Variants in TLK2 observed in about 807,000 individuals in gnomAD.
TLK2 encodes the protein tousled like kinase 2.
TLK2 carries 6 observed loss-of-function variants against 117.3 expected under a neutral mutation model. The observed-to-expected ratio is 0.05, with a 90% confidence interval of 0.03 to 0.10. The LOEUF is 0.10. Ranked by LOEUF, TLK2 falls within the 10% of genes least tolerant of loss-of-function variation. The pLI is 1.00. For synonymous variants in TLK2, 257 were observed against 316.7 expected (o/e 0.81, Z 2.00); for missense variants, 299 against 901.2 (o/e 0.33, Z 8.56).
chr17:62,549,267 C>T (rs1369049118), intron 7 of TLK2, among the ~76,000 whole-genome samples: 5 of 146,080 alleles, frequency 3.4e-5, no homozygotes, highest in Admixed American at 2.7e-4. Flanking sequence ...GGAGTGGTGG[C>T]GGGTGCCTGT....
intron 2 of TLK2, among the ~76,000 whole-genome samples, chr17:62,490,779 T>G: frequency 6.6e-6 from 1 of 152,192 alleles, no homozygotes; most frequent in Non-Finnish European, 1.5e-5. Context: ...TGACCTCAGG[T>G]GATCCACCTT....
At chr17:62,486,654 AT>A (rs1433503136) in intron 2 of TLK2, among the ~76,000 whole-genome samples, 2 of 152,204 alleles carry the variant, frequency 1.3e-5, no homozygotes, top group African/African-American at 4.8e-5. Context: ...AGTAGGCAGA[AT>A]TTCACCCTTG....
In TLK2 at chr17:62,552,451, G is replaced by A. The variant is rs2078540225; in HGVS notation, c.627+54G>A. 11 of 1,612,638 alleles carry A rather than the reference G, an allele frequency of 6.8e-6. No individual in the cohort carries two copies. In the South Asian group the frequency reaches 1.1e-4, roughly 16 times the overall value. ...GGGCATACCTGCTGTGTAGGAATAA[G>A]GGCTAACCTGTGTAGTCTGTCATTC... On this transcript the variant is annotated intron_variant, in intron 8 of 21. Coordinates refer to ENST00000346027, the MANE Select transcript of TLK2 (RefSeq NM_006852.6).
chr17:62,587,894 G>A (rs2081746487), intron 16 of TLK2, among the ~76,000 whole-genome samples: 2 of 151,880 alleles, frequency 1.3e-5, no homozygotes, highest in Middle Eastern at 3.4e-3. Flanking sequence ...TAAGGGTGTT[G>A]GACCAGTACA....
intron 11 of TLK2, among the ~76,000 whole-genome samples, chr17:62,572,489 A>C (rs376424312): frequency 1.3e-5 from 2 of 152,142 alleles, no homozygotes; most frequent in African/African-American, 4.8e-5. Context: ...AAAATGTGAC[A>C]TCTTATTAGG....
chr17:62,487,486 T>C (rs2072549910), intron 2 of TLK2, among the ~76,000 whole-genome samples: 2 of 139,960 alleles, frequency 1.4e-5, no homozygotes, highest in South Asian at 4.5e-4. Context: ...GCCATTGCGC[T>C]CCAGCATGGC....
chr17:62,496,261 C>G (rs1268352720), intron 2 of TLK2, among the ~76,000 whole-genome samples: 6 of 151,936 alleles, frequency 3.9e-5, no homozygotes, highest in Non-Finnish European at 8.8e-5. Flanking sequence ...CTTCTTTGTT[C>G]TTTTTTTCAA....
intron 2 of TLK2, among the ~76,000 whole-genome samples, chr17:62,500,152 C>T (rs952195305): frequency 6.6e-6 from 1 of 151,768 alleles, no homozygotes; most frequent in African/African-American, 2.4e-5. Context: ...TCACTGCAGC[C>T]TTAAACTCCT....
upstream of TLK2, among the ~76,000 whole-genome samples, chr17:62,475,446 G>T (rs958995386): frequency 6.6e-6 from 1 of 151,918 alleles, no homozygotes; most frequent in African/African-American, 2.4e-5. Context: ...AGGTTCAAGC[G>T]ATTCTCCTGC....
At chr17:62,604,985 A>G (rs182653904) in intron 19 of TLK2, among the ~76,000 whole-genome samples, 30 of 152,286 alleles carry the variant, frequency 2.0e-4, no homozygotes, top group African/African-American at 6.7e-4. Context: ...GTCATTTTAG[A>G]ATTAAGGTTA....
At position 62,554,262 on chromosome 17, in the gene TLK2, G is replaced by T. The variant is rs562769464; in HGVS notation, c.720+507G>T. On this transcript the variant is annotated intron_variant, in intron 9 of 21. Transcript: ENST00000346027. ...ATATTTTGAATATGCAATTTGGCAT[G>T]ACTGACTCATAGTTTTTAAAGAGTA... 2.6e-5 allele frequency among the ~76,000 whole-genome samples: 4 copies of T among 152,264 alleles called. No homozygotes were observed. The South Asian group carries it at 8.3e-4, about 32-fold the overall frequency.
intron 17 of TLK2, among the ~76,000 whole-genome samples, chr17:62,598,135 G>A (rs2082613813): frequency 2.0e-5 from 3 of 152,178 alleles, no homozygotes; most frequent in South Asian, 2.1e-4. Context: ...TGTGTTTCAC[G>A]TGGAGTGGAA....
At chr17:62,574,352 T>C (rs2080579157) in intron 12 of TLK2, 2 of 1,548,586 alleles carry the variant, frequency 1.3e-6, no homozygotes, top group Non-Finnish European at 1.7e-6. Flanking sequence ...TAGGCCCTCT[T>C]CTGGGAATAC....
upstream of TLK2, among the ~76,000 whole-genome samples, chr17:62,478,262 T>C (rs1163046537): frequency 6.7e-6 from 1 of 150,320 alleles, no homozygotes; most frequent in Non-Finnish European, 1.5e-5. Flanking sequence ...TAGCGTCCTC[T>C]AAACTCCATC....
intron 2 of TLK2, among the ~76,000 whole-genome samples, chr17:62,495,571 C>T (rs1414938895): frequency 1.3e-5 from 2 of 150,472 alleles, no homozygotes; most frequent in African/African-American, 2.4e-5. Flanking sequence ...TAAGCCACCA[C>T]GCCTGGCTGA....
At chr17:62,566,640 G>A (rs2079820468) in intron 11 of TLK2, among the ~76,000 whole-genome samples, 1 of 152,212 alleles carries the variant, frequency 6.6e-6, no homozygotes, top group African/African-American at 2.4e-5. Context: ...TATCAGGGCA[G>A]TGTAAACAGC....
intron 2 of TLK2, among the ~76,000 whole-genome samples, chr17:62,518,409 A>G (rs1443866943): frequency 6.6e-6 from 1 of 152,208 alleles, no homozygotes; most frequent in Non-Finnish European, 1.5e-5. Context: ...ACTAAATGGA[A>G]AGGAACAAAC....
At chr17:62,551,122 T>C (rs1719783745) in intron 7 of TLK2, among the ~76,000 whole-genome samples, 1 of 152,232 alleles carries the variant, frequency 6.6e-6, no homozygotes, top group South Asian at 2.1e-4. Flanking sequence ...AGTCTCCTTA[T>C]AGGATTTTGT....
At chr17:62,567,030 C>A (rs1438176079) in intron 11 of TLK2, among the ~76,000 whole-genome samples, 3 of 152,072 alleles carry the variant, frequency 2.0e-5, no homozygotes, top group Non-Finnish European at 4.4e-5. Context: ...GAGTTTGAGA[C>A]CAGCCTGGGC....
Sources: gnomAD v4.1 joint callset for allele counts (sites outside exome capture counted in the v4.1 genomes callset) on GRCh38, gnomAD v4.1.1 for gene constraint, MANE v1.5 for transcripts, NCBI Gene and HGNC (gene_info 2026-07-23, HGNC 2026-07-21) for gene names.